Variants in CABP1 observed in about 807,000 individuals in gnomAD.
CABP1 encodes the protein calcium-binding protein 1.
A neutral mutation model predicts 34.3 loss-of-function variants in CABP1; 17 were observed. The observed-to-expected ratio is 0.50, with a 90% CI of 0.34 to 0.74. The LOEUF is 0.74. CABP1 is among the 30% of genes least tolerant of loss of function. The pLI is 0.01. For missense variants in CABP1, 373 were observed against 511.1 expected (o/e 0.73, Z 2.61); for synonymous variants, 198 against 229.2 (o/e 0.86, Z 1.23).
rs1880587870 is a variant in CABP1 at position 120,660,961 on chromosome 12, G to C, written c.940-110G>C. ...AGGGGAGGGAGCTTGGACAGAGAAA[G>C]GTCTCTGGTAAAGGGGGGCAATGAC... is the stretch of plus-strand genomic sequence containing the variant. On this transcript the variant is annotated intron_variant, in intron 4 of 5. Transcript: ENST00000316803. The surrounding 1 kb of genome is among the most constrained non-coding windows in gnomAD (Gnocchi z 5.0). The C allele has an allele frequency of 7.1e-7, 1 of 1,415,740 alleles. No individual in the cohort carries two copies. The highest frequency in any genetic ancestry group is 9.8e-7 in the Non-Finnish European group (1 of 1,019,160). 87.7% of individuals were successfully genotyped at this position (1,415,740 alleles called of 1,614,324 possible). A position where few individuals can be genotyped will look rare whatever the true frequency, so the allele number is the denominator to read the frequency against.
At chr12:120,658,397 C>T (rs1274487107) in intron 1 of CABP1, among the ~76,000 whole-genome samples, 1 of 152,074 alleles carries the variant, frequency 6.6e-6, no homozygotes, top group Non-Finnish European at 1.5e-5. Flanking sequence ...CGTGCCTGGC[C>T]CATAGCGAGC....
chr12:120,675,693 C>T, the CABP1 span, among the ~76,000 whole-genome samples: 1 of 152,220 alleles, frequency 6.6e-6, no homozygotes, highest in Non-Finnish European at 1.5e-5. Flanking sequence ...CTCCCTCCCC[C>T]TCACTAGAAT....
intron 1 of CABP1, among the ~76,000 whole-genome samples, chr12:120,653,112 T>C (rs1454653995): frequency 6.6e-6 from 1 of 152,116 alleles, no homozygotes; most frequent in African/African-American, 2.4e-5. Flanking sequence ...GGGAGCAAAT[T>C]CCTCTCCATC....
At chr12:120,646,171 G>A (rs1879529757) in intron 1 of CABP1, among the ~76,000 whole-genome samples, 1 of 152,180 alleles carries the variant, frequency 6.6e-6, no homozygotes, top group African/African-American at 2.4e-5. Flanking sequence ...ACATAAGTGT[G>A]TTCCCTGTTC....
chr12:120,644,751 G>A (rs1381895008), intron 1 of CABP1, among the ~76,000 whole-genome samples: 1 of 152,182 alleles, frequency 6.6e-6, no homozygotes, highest in Non-Finnish European at 1.5e-5. Flanking sequence ...GAATGAATGA[G>A]TGAATGAATG....
At chr12:120,647,385 ATTTTT>A (rs11332557) in intron 1 of CABP1, among the ~76,000 whole-genome samples, 1 of 129,820 alleles carries the variant, frequency 7.7e-6, no homozygotes, top group Non-Finnish European at 1.7e-5. Context: ...AGCAGACAAG[ATTTTT>A]TTTTTTTTTT....
chr12:120,650,587 G>C (rs762448391), intron 1 of CABP1: 10 of 1,613,284 alleles, frequency 6.2e-6, no homozygotes, highest in Non-Finnish European at 8.5e-6. Context: ...AGTCCCCCAG[G>C]AGCCTCCTTC....
At chr12:120,658,705 T>G (rs896698965) in intron 1 of CABP1, among the ~76,000 whole-genome samples, 4 of 152,180 alleles carry the variant, frequency 2.6e-5, no homozygotes, top group Non-Finnish European at 4.4e-5. Flanking sequence ...CCTGGCCCCG[T>G]TGGCTGGAAC....
At chr12:120,655,804 CAT>C (rs1283380550) in intron 1 of CABP1, 1 of 1,510,762 alleles carries the variant, frequency 6.6e-7, no homozygotes, top group Non-Finnish European at 8.8e-7. Context: ...TGATTCTGTG[CAT>C]ATGTATGTGC....
In CABP1 at chr12:120,661,307, A is replaced by G. The variant is rs1880614354; in HGVS notation, c.1087+89A>G. The G allele has an allele frequency of 6.8e-7, 1 of 1,474,996 alleles. No individual in the cohort carries two copies. The highest frequency in any genetic ancestry group is 2.1e-5 in the Admixed American group (1 of 48,258). 91.4% of individuals were successfully genotyped at this position (1,474,996 alleles called of 1,614,324 possible). On this transcript the variant is annotated intron_variant, in intron 5 of 5. Transcript: ENST00000316803. The surrounding 1 kb of genome is among the most constrained non-coding windows in gnomAD (Gnocchi z 5.1). ...TTGTGTATCCATCATGCAACCATCA[A>G]TCCGCCCTAATTTTCCAACCCCCAG...
chr12:120,667,032 G>A lies in CABP1; in HGVS notation c.*132G>A. 1.8e-6 allele frequency: 2 copies of A among 1,125,024 alleles called. No homozygotes were observed. The highest frequency in any genetic ancestry group is 2.7e-5 in the South Asian group (2 of 73,766). The allele number at this position is 1,125,024 out of a possible 1,614,324, so 69.7% of individuals were successfully genotyped here. A position where few individuals can be genotyped will look rare whatever the true frequency, so the allele number is the denominator to read the frequency against. ...GGATGGGGCCTGCCTGCACCCCGGGGAGGCGCCCACCCCGGACCCCCACCC... is the reference window on the plus strand; with the variant it reads ...GGATGGGGCCTGCCTGCACCCCGGGAAGGCGCCCACCCCGGACCCCCACCC... On this transcript the variant is annotated 3_prime_UTR_variant, in exon 6 of 6. Coordinates refer to ENST00000316803, the MANE Select transcript of CABP1 (RefSeq NM_001033677.2).
chr12:120,668,048 A>G (rs1477471473), downstream of CABP1, among the ~76,000 whole-genome samples: 1 of 152,226 alleles, frequency 6.6e-6, no homozygotes, highest in African/African-American at 2.4e-5. Flanking sequence ...AAATTGTGAT[A>G]CTGCTATTGA....
chr12:120,653,597 G>A (rs117408018), intron 1 of CABP1, among the ~76,000 whole-genome samples: 15,712 of 152,192 alleles, frequency 0.1, 1,133 homozygotes, highest in Non-Finnish European at 0.16. Flanking sequence ...GTGCAGTGGC[G>A]CATCTCGGCT....
chr12:120,640,717 G>T lies in CABP1; in HGVS notation c.32G>T (p.Arg11Leu), dbSNP rs868166506. MGGGDGAAFK[R>L]PGDGARLQRV... ...GGCGGCGACGGGGCCGCATTTAAGC[G>T]GCCGGGGGACGGCGCCCGCCTCCAG... Residue 11 changes from arginine (R) to leucine (L), a missense_variant, in exon 1 of 6, where the codon CGG becomes CTG. Around this residue, in one of 4 missense-constraint regions of CABP1, gnomAD observed 134 missense variants for 145.4 expected, o/e 0.92. Coordinates refer to ENST00000316803, the MANE Select transcript of CABP1 (RefSeq NM_001033677.2). The surrounding 1 kb of genome is among the most constrained non-coding windows in gnomAD (Gnocchi z 6.2). 2 of 1,185,894 alleles carry T rather than the reference G, an allele frequency of 1.7e-6. No homozygotes were observed. The highest frequency in any genetic ancestry group is 2.1e-6 in the Non-Finnish European group (2 of 958,456). The allele number at this position is 1,185,894 out of a possible 1,614,324, so 73.5% of individuals were successfully genotyped here. A position where few individuals can be genotyped will look rare whatever the true frequency, so the allele number is the denominator to read the frequency against.
the CABP1 span, among the ~76,000 whole-genome samples, chr12:120,676,552 T>C: frequency 2.6e-5 from 4 of 151,742 alleles, no homozygotes; most frequent in Non-Finnish European, 5.9e-5. Flanking sequence ...CTCAGCCTCC[T>C]GAGTAGCTGG....
Position 120,660,120 on chromosome 12 carries a change from C to A in CABP1, c.686-76C>A, listed in dbSNP as rs901934055. The A allele has an allele frequency of 2.5e-6, 4 of 1,572,250 alleles. No homozygotes were observed. The highest frequency in any genetic ancestry group is 2.6e-6 in the Non-Finnish European group (3 of 1,151,392). On this transcript the variant is annotated intron_variant, in intron 2 of 5. Coordinates refer to ENST00000316803, the MANE Select transcript of CABP1 (RefSeq NM_001033677.2). This position sits in a 1 kb window ranked among gnomAD's most constrained non-coding sequence, Gnocchi z 5.0. ...GGGCCTCTCTTTCCATGCCGGTGGG[C>A]CTTTGGGCTGCCTTTGCCCACAGAG... is the stretch of plus-strand genomic sequence containing the variant.
Position 120,661,236 on chromosome 12 carries a change from G to C in CABP1, c.1087+18G>C. ...CTTTGAAGGTAGGTGGGGCTTGAAA[G>C]TGGGAGAGAAGCAAGCCAGCAGTGG... On this transcript the variant is annotated intron_variant, in intron 5 of 5. Transcript: ENST00000316803. This position sits in a 1 kb window ranked among gnomAD's most constrained non-coding sequence, Gnocchi z 5.1. 1 of 1,600,138 alleles carries C rather than the reference G, an allele frequency of 6.2e-7. No homozygotes were observed. Among genetic ancestry groups the C allele is most frequent in the Non-Finnish European group, 8.5e-7 (1 of 1,178,066 alleles).
At chr12:120,679,818 ACT>A in the CABP1 span, among the ~76,000 whole-genome samples, 2 of 151,534 alleles carry the variant, frequency 1.3e-5, no homozygotes, top group African/African-American at 4.9e-5. Flanking sequence ...CAAGAGCGAA[ACT>A]CTGTCTCAAA....
rs1879297568 is a variant in CABP1 at position 120,641,114 on chromosome 12, C to T, written c.429C>T (p.Cys143=). 2.5e-6 allele frequency: 3 copies of T among 1,223,944 alleles called. No individual in the cohort carries two copies. The highest frequency in any genetic ancestry group is 3.0e-6 in the Non-Finnish European group (3 of 984,538). 75.8% of individuals were successfully genotyped at this position (1,223,944 alleles called of 1,614,324 possible). Residue 143 remains cysteine (C), a synonymous_variant, in exon 1 of 6, where the codon TGC becomes TGT. Transcript: ENST00000316803. The surrounding 1 kb of genome is among the most constrained non-coding windows in gnomAD (Gnocchi z 6.7). The stretch of plus-strand genomic sequence containing the variant: ...AGCGTGTGCTCCCCCAGGCGCACTG[C>T]AGGCCCCGGGAGGCGCTGCCGGCCG... ...GSQRVLPQAH[C]RPREALPAAA...
Sources: allele counts gnomAD v4.1 joint callset (sites outside exome capture counted in the v4.1 genomes callset), GRCh38; gene constraint gnomAD v4.1.1; regional missense constraint gnomAD v4.1.1; non-coding constraint Gnocchi (gnomAD v3.1); transcripts MANE v1.5; gene names NCBI Gene and HGNC (gene_info 2026-07-23, HGNC 2026-07-21).